Variants in STX8 observed in about 807,000 individuals in gnomAD.
STX8 encodes syntaxin 8.
STX8 carries 23 observed loss-of-function variants against 37.5 expected under a neutral mutation model. The ratio of observed to expected loss-of-function variants is 0.61; its 90% CI spans 0.44 to 0.87. STX8 has a LOEUF of 0.87. Among genes scored for constraint, STX8 ranks in the 40% least tolerant of loss-of-function variants. STX8 has a pLI of 0.00. For synonymous variants in STX8, 115 were observed against 99.1 expected (o/e 1.16, Z -0.95); for missense variants, 313 against 284.7 (o/e 1.10, Z -0.71).
At position 9,507,081 on chromosome 17, in the gene STX8, T is replaced by G. The variant is rs187315516; in HGVS notation, c.324-1919A>C. Among the ~76,000 whole-genome samples, 1 of 152,010 alleles carries G rather than the reference T, an allele frequency of 6.6e-6. No individual in the cohort carries two copies. Among genetic ancestry groups the G allele is most frequent in the Admixed American group, 6.5e-5 (1 of 15,270 alleles). Reference sequence around the variant, plus strand: ...AAACCCACTCTTGAGCCAACCAAACTGCTGCATACCCTCCTGCAAGCAGAA... The same window carrying G: ...AAACCCACTCTTGAGCCAACCAAACGGCTGCATACCCTCCTGCAAGCAGAA... On this transcript the variant is annotated intron_variant, in intron 4 of 7. Transcript: ENST00000306357. This position sits in a 1 kb window ranked among gnomAD's most constrained non-coding sequence, Gnocchi z 4.0.
intron 7 of STX8, among the ~76,000 whole-genome samples, chr17:9,263,184 C>T (rs1379740971): frequency 6.6e-6 from 1 of 151,772 alleles, no homozygotes; most frequent in African/African-American, 2.4e-5. Flanking sequence ...AAAAAATAAG[C>T]AAAAAGGGAC....
intron 7 of STX8, among the ~76,000 whole-genome samples, chr17:9,372,504 G>A (rs1168957659): frequency 6.6e-6 from 1 of 151,868 alleles, no homozygotes; most frequent in Non-Finnish European, 1.5e-5. Flanking sequence ...CTGAGATGGA[G>A]TCATGCTTTT....
chr17:9,498,633 G>C (rs1394928136), intron 5 of STX8, among the ~76,000 whole-genome samples: 2 of 152,154 alleles, frequency 1.3e-5, no homozygotes, highest in Non-Finnish European at 1.5e-5. Flanking sequence ...GTGTGAAATG[G>C]AGTCTGGCTA....
At chr17:9,386,084 G>A (rs866669187) in intron 6 of STX8, among the ~76,000 whole-genome samples, 3 of 135,582 alleles carry the variant, frequency 2.2e-5, no homozygotes, top group Admixed American at 8.0e-5. Context: ...TTTACCAAAC[G>A]GAAATAAAAG....
chr17:9,552,307 C>T (rs1906796013), intron 3 of STX8, among the ~76,000 whole-genome samples: 1 of 152,096 alleles, frequency 6.6e-6, no homozygotes, highest in Admixed American at 6.6e-5. Flanking sequence ...TTGCCACTGC[C>T]CCCCATCCTA....
At chr17:9,384,841 CA>C (rs1258439262) in intron 6 of STX8, among the ~76,000 whole-genome samples, 4 of 147,202 alleles carry the variant, frequency 2.7e-5, no homozygotes, top group African/African-American at 1.0e-4. Context: ...CGCACGTGCT[CA>C]ATTCTCAACA....
intron 7 of STX8, among the ~76,000 whole-genome samples, chr17:9,343,738 A>G (rs1390700593): frequency 2.0e-5 from 3 of 151,664 alleles, no homozygotes; most frequent in South Asian, 2.1e-4. Context: ...CAACTCAGCC[A>G]ACCCCACCCC....
intron 4 of STX8, among the ~76,000 whole-genome samples, chr17:9,542,684 AAAT>A (rs1452973230): frequency 2.1e-5 from 3 of 144,008 alleles, no homozygotes; most frequent in African/African-American, 8.1e-5. Flanking sequence ...CTCAAAAAAT[AAAT>A]AAATAAATAA....
intron 4 of STX8, among the ~76,000 whole-genome samples, chr17:9,543,022 C>G (rs1217117497): frequency 1.3e-5 from 2 of 152,180 alleles, no homozygotes; most frequent in African/African-American, 4.8e-5. Context: ...TTGGCCCCTT[C>G]AGCATCATTA....
chr17:9,479,718 C>T (rs889741910), intron 6 of STX8, among the ~76,000 whole-genome samples: 2 of 151,744 alleles, frequency 1.3e-5, no homozygotes, highest in African/African-American at 4.8e-5. Flanking sequence ...CCATAAGTAG[C>T]AAATTAAGTA....
chr17:9,354,776 G>A (rs1465702704), intron 7 of STX8, among the ~76,000 whole-genome samples: 1 of 152,062 alleles, frequency 6.6e-6, no homozygotes, highest in Non-Finnish European at 1.5e-5. Flanking sequence ...TTTCACGCAG[G>A]AAAACATACC....
Position 9,491,883 on chromosome 17 carries a change from T to C in STX8, c.487A>G (p.Ser163Gly). The C allele has an allele frequency of 6.2e-7, 1 of 1,613,954 alleles. No individual in the cohort carries two copies. The highest frequency in any genetic ancestry group is 1.7e-5 in the Admixed American group (1 of 59,984). Residue 163 changes from serine (S) to glycine (G), a missense_variant, in exon 6 of 8, where the codon AGT becomes GGT. By Grantham distance (56) the Ser-to-Gly change is moderately conservative. Transcript: ENST00000306357. ...TCCTGCCCCATTTGTTTTTGGCGAC[T>C]TATGATAGAGGAAAGGGCATCAAGG... ...AGLDALSSII[S>G]RQKQMGQEIG...
intron 7 of STX8, among the ~76,000 whole-genome samples, chr17:9,314,752 C>A (rs1299861561): frequency 6.6e-6 from 1 of 151,398 alleles, no homozygotes; most frequent in African/African-American, 2.4e-5. Flanking sequence ...TATCCTAAGC[C>A]CCCCAGCCGA....
At chr17:9,406,644 T>C (rs1311439906) in intron 6 of STX8, among the ~76,000 whole-genome samples, 1 of 152,230 alleles carries the variant, frequency 6.6e-6, no homozygotes, top group Non-Finnish European at 1.5e-5. Flanking sequence ...GATCTGTGTA[T>C]ATTTTATAGT....
At chr17:9,536,391 A>C (rs1330969697) in intron 4 of STX8, among the ~76,000 whole-genome samples, 1 of 152,064 alleles carries the variant, frequency 6.6e-6, no homozygotes, top group Non-Finnish European at 1.5e-5. Context: ...CAACCCTCTC[A>C]CTTCTCTAAC....
At chr17:9,480,516 C>T (rs182012021) in intron 6 of STX8, among the ~76,000 whole-genome samples, 17 of 152,252 alleles carry the variant, frequency 1.1e-4, no homozygotes, top group African/African-American at 4.1e-4. Flanking sequence ...ACATCAACTT[C>T]CGGGAAGATC....
At chr17:9,354,514 G>A (rs1910813635) in intron 7 of STX8, among the ~76,000 whole-genome samples, 1 of 151,818 alleles carries the variant, frequency 6.6e-6, no homozygotes. Flanking sequence ...TAGAGACGGG[G>A]TTTCACCATG....
intron 7 of STX8, among the ~76,000 whole-genome samples, chr17:9,352,350 T>C (rs1597620060): frequency 6.6e-6 from 1 of 152,122 alleles, no homozygotes; most frequent in Non-Finnish European, 1.5e-5. Flanking sequence ...GTTTTGGCAT[T>C]GATGGTCAAT....
intron 6 of STX8, among the ~76,000 whole-genome samples, chr17:9,487,650 C>T (rs1410791110): frequency 3.3e-5 from 5 of 151,926 alleles, no homozygotes; most frequent in Non-Finnish European, 4.4e-5. Flanking sequence ...GCACTGGCAA[C>T]GAATGGAAAA....
Sources: gnomAD v4.1 joint callset for allele counts (sites outside exome capture counted in the v4.1 genomes callset) on GRCh38, gnomAD v4.1.1 for gene constraint, Gnocchi (gnomAD v3.1) non-coding constraint, MANE v1.5 for transcripts, NCBI Gene and HGNC (gene_info 2026-07-23, HGNC 2026-07-21) for gene names.